The following SYMPK variants were observed in gnomAD, a reference collection of about 807,000 sequenced individuals.
SYMPK encodes symplekin.
Under a neutral mutation model 136.4 loss-of-function variants are expected in SYMPK, and 49 were observed. The ratio of observed to expected loss-of-function variants is 0.36; its 90% confidence interval spans 0.29 to 0.46. SYMPK has a LOEUF of 0.46. SYMPK is among the 20% of genes least tolerant of loss of function. The pLI is 1.00. For missense variants in SYMPK, 1,365 were observed against 1,690.0 expected (o/e 0.81, Z 3.37); for synonymous variants, 766 against 713.0 (o/e 1.07, Z -1.19).
intron 9 of SYMPK, among the ~76,000 whole-genome samples, chr19:45,840,921 A>G (rs1373226903): frequency 6.6e-6 from 1 of 152,156 alleles, no homozygotes; most frequent in Non-Finnish European, 1.5e-5. Context: ...AAGGTACAGA[A>G]TACTCTGCTT....
intron 12 of SYMPK, chr19:45,831,062 G>A (rs2146315135): frequency 4.7e-6 from 1 of 212,836 alleles, no homozygotes; most frequent in Non-Finnish European, 9.2e-6. Context: ...CTTTTCACTC[G>A]AGTATCTAGT....
intron 8 of SYMPK, chr19:45,842,725 T>C: frequency 1.9e-6 from 1 of 534,142 alleles, no homozygotes; most frequent in Non-Finnish European, 3.3e-6. Flanking sequence ...TTTTAGTAAA[T>C]ACATACAATT....
chr19:45,817,263 G>A (rs950476739), intron 23 of SYMPK: 20 of 415,380 alleles, frequency 4.8e-5, no homozygotes, highest in African/African-American at 6.4e-5. Flanking sequence ...CACCTCTCAT[G>A]ACATTCTCAC....
At position 45,821,426 on chromosome 19, in the gene SYMPK, T is replaced by C; in HGVS notation, c.2851A>G (p.Asn951Asp). 1.2e-6 allele frequency: 2 copies of C among 1,613,930 alleles called. No homozygotes were observed. Among genetic ancestry groups the C allele is most frequent in the East Asian group, 4.5e-5 (2 of 44,854 alleles). ...ATGTCGCACTTCACGGAGTCAATGT[T>C]GTGTAATGCGATCAGGAGCTCTCCA... ...NPGELLIALHNIDSVKCDMKS... is the reference protein window; with the variant it reads ...NPGELLIALHDIDSVKCDMKS... The change falls in exon 22 of 27, where the codon AAC becomes GAC. Residue 951 changes from asparagine to aspartate, a missense_variant. Transcript: ENST00000245934. The surrounding 1 kb of genome is among the most constrained non-coding windows in gnomAD (Gnocchi z 4.4).
intron 14 of SYMPK, 189 bp from the exon 15 acceptor site, chr19:45,828,107 G>A: frequency 1.7e-6 from 1 of 578,234 alleles, no homozygotes; most frequent in East Asian, 2.9e-5. Flanking sequence ...GATCTGGGCA[G>A]AGACTGCACC....
intron 1 of SYMPK, among the ~76,000 whole-genome samples, chr19:45,862,252 C>T (rs1278510561): frequency 2.0e-5 from 3 of 152,100 alleles, no homozygotes; most frequent in Non-Finnish European, 4.4e-5. Flanking sequence ...ATTTGGGATG[C>T]GTGTAGCCTT....
At chr19:45,842,522 G>A in intron 8 of SYMPK, 33 bp from the exon 9 acceptor site, 1 of 1,595,402 alleles carries the variant, frequency 6.3e-7, no homozygotes, top group South Asian at 1.1e-5. Flanking sequence ...TGTGTCTTGT[G>A]GAAGATCTCA....
rs760928961 is a variant in SYMPK at position 45,829,155 on chromosome 19, C to T, written c.1800G>A (p.Leu600=). 6.8e-6 allele frequency: 11 copies of T among 1,614,192 alleles called. No individual in the cohort carries two copies. Among genetic ancestry groups the T allele is most frequent in the Admixed American group, 3.3e-5 (2 of 60,034 alleles). Residue 600 remains leucine, a synonymous_variant, in exon 14 of 27, where the codon CTG becomes CTA. Transcript: ENST00000245934. ...ASLVTQFNSG[L]KAEVLSFILE... is the part of the protein sequence containing the mutation. Reference sequence around the variant, plus strand: ...GGATGAAGGACAGGACCTCCGCCTTCAGGCCCGAGTTGAACTGTGTCACCA... The same window carrying T: ...GGATGAAGGACAGGACCTCCGCCTTTAGGCCCGAGTTGAACTGTGTCACCA...
At chr19:45,835,719 C>G (rs1971286240) in intron 10 of SYMPK, among the ~76,000 whole-genome samples, 1 of 152,104 alleles carries the variant, frequency 6.6e-6, no homozygotes, top group Non-Finnish European at 1.5e-5. Context: ...CAAGACCAGC[C>G]TGGCCAACAT....
intron 1 of SYMPK, among the ~76,000 whole-genome samples, chr19:45,862,227 T>C (rs1971983385): frequency 1.3e-5 from 2 of 152,312 alleles, no homozygotes; most frequent in South Asian, 4.1e-4. Context: ...TCAGCCAATC[T>C]TCTTATTTAA....
chr19:45,849,291 G>A (rs1568624013), intron 5 of SYMPK, among the ~76,000 whole-genome samples: 1 of 152,124 alleles, frequency 6.6e-6, no homozygotes, highest in Admixed American at 6.5e-5. Flanking sequence ...AAAAGCATTC[G>A]GTAAACACCA....
Position 45,851,253 on chromosome 19 carries a change from C to T in SYMPK, c.299+1059G>A, listed in dbSNP as rs192996162. Among the ~76,000 whole-genome samples, 4 of 152,266 alleles carry T rather than the reference C, an allele frequency of 2.6e-5. No homozygotes were observed. The East Asian group carries it at 7.7e-4, about 29-fold the overall frequency. ...GCCCTGGAACGAGATTGTGAACGTGCTAAATGCCACTCACTTGTTCACTTT... is the reference window on the plus strand; with the variant it reads ...GCCCTGGAACGAGATTGTGAACGTGTTAAATGCCACTCACTTGTTCACTTT... On this transcript the variant is annotated intron_variant, in intron 5 of 26. Coordinates refer to ENST00000245934, the MANE Select transcript of SYMPK (RefSeq NM_004819.3).
chr19:45,832,241 A>G (rs979546448), intron 11 of SYMPK, among the ~76,000 whole-genome samples: 6 of 152,134 alleles, frequency 3.9e-5, no homozygotes, highest in Non-Finnish European at 7.4e-5. Context: ...TCCTGGGTCC[A>G]AGCCATTTTC....
intron 11 of SYMPK, among the ~76,000 whole-genome samples, chr19:45,832,682 TA>T (rs1409711050): frequency 5.3e-5 from 8 of 151,964 alleles, no homozygotes; most frequent in African/African-American, 1.9e-4. Flanking sequence ...AAAAACCAAC[TA>T]GTACCTCACA....
rs1380406181 is a variant in SYMPK, at chr19:45,842,402, G to A, written c.935C>T (p.Pro312Leu). The A allele has an allele frequency of 6.2e-6, 10 of 1,614,066 alleles. No individual in the cohort carries two copies. Among genetic ancestry groups the A allele is most frequent in the Admixed American group, 1.7e-5 (1 of 60,000 alleles). Residue 312 changes from proline (P) to leucine (L), a missense_variant, in exon 9 of 27, where the codon CCG becomes CTG. Pro to Leu is a moderately conservative substitution (Grantham distance 98). Around this residue, in one of 11 missense-constraint regions of SYMPK, gnomAD observed 111 missense variants for 141.2 expected, o/e 0.79. Coordinates refer to ENST00000245934, the MANE Select transcript of SYMPK (RefSeq NM_004819.3). ...KLHLLSVLKH[P>L]ASLEFQAQIT... ...CTGGGCCTGGAACTCCAAGGAAGCC[G>A]GGTGCTTCAGCACACTCAACAGGTG...
intron 17 of SYMPK, 28 bp downstream of exon 17, chr19:45,826,198 A>G (rs1971040190): frequency 1.9e-6 from 3 of 1,600,572 alleles, no homozygotes; most frequent in Non-Finnish European, 2.6e-6. Context: ...AGCAGCGCTC[A>G]GTATGCATCT....
chr19:45,818,263 T>A, intron 22 of SYMPK, 117 bp from the exon 23 acceptor site: 1 of 1,117,942 alleles, frequency 8.9e-7, no homozygotes, highest in Non-Finnish European at 1.2e-6. Flanking sequence ...CCCTGACTTC[T>A]AAAGCCCCTG....
chr19:45,836,491 C>T (rs36104914), intron 10 of SYMPK, among the ~76,000 whole-genome samples: 17,707 of 151,234 alleles, frequency 0.12, 1,373 homozygotes, highest in East Asian at 0.34. Context: ...CTTAGCTGGG[C>T]GTGGTGGCAG....
intron 1 of SYMPK, among the ~76,000 whole-genome samples, chr19:45,856,509 T>G (rs533634376): frequency 6.6e-6 from 1 of 152,286 alleles, no homozygotes; most frequent in African/African-American, 2.4e-5. Flanking sequence ...CAGTTTCCTC[T>G]TCTAGGAAAC....
Sources: allele counts gnomAD v4.1 joint callset (sites outside exome capture counted in the v4.1 genomes callset), GRCh38; gene constraint gnomAD v4.1.1; regional missense constraint gnomAD v4.1.1; non-coding constraint Gnocchi (gnomAD v3.1); transcripts MANE v1.5; gene names NCBI Gene and HGNC (gene_info 2026-07-23, HGNC 2026-07-21).